Variants in SEC24D observed in about 807,000 individuals in gnomAD.
The protein encoded by SEC24D is protein transport protein Sec24D.
In SEC24D, 69 loss-of-function variants were observed where a neutral mutation model predicts 116.9. That is an observed-to-expected ratio of 0.59 (90% CI 0.49 to 0.72). SEC24D has a LOEUF of 0.72. SEC24D is among the 30% of genes least tolerant of loss of function. The pLI is 0.00. For missense variants in SEC24D, 1,131 were observed against 1,264.1 expected (o/e 0.89, Z 1.60); for synonymous variants, 405 against 442.8 (o/e 0.91, Z 1.07).
In SEC24D at chr4:118,746,877, C is replaced by T. The variant is rs576267916; in HGVS notation, c.1708-1817G>A. ...CTCTCTCAGTGAGTGACATTCTAAG[C>T]TCTGTGGAGTGGGTCAGAGAGGTGA... is the stretch of plus-strand genomic sequence containing the variant. On this transcript the variant is annotated intron_variant, in intron 13 of 22. Coordinates refer to ENST00000280551, the MANE Select transcript of SEC24D (RefSeq NM_014822.4). Among the ~76,000 whole-genome samples the T allele has an allele frequency of 2.6e-5, 4 of 152,160 alleles. No homozygotes were observed. The East Asian group carries it at 5.8e-4, about 22-fold the overall frequency.
chr4:118,773,927 A>C (rs1163772651), intron 8 of SEC24D, among the ~76,000 whole-genome samples: 1 of 152,186 alleles, frequency 6.6e-6, no homozygotes, highest in Non-Finnish European at 1.5e-5. Context: ...GAATTTTTTA[A>C]ATACATGTGA....
chr4:118,782,986 C>T (rs1291992574), intron 8 of SEC24D, among the ~76,000 whole-genome samples: 7 of 152,072 alleles, frequency 4.6e-5, no homozygotes, highest in African/African-American at 1.4e-4. Context: ...GGGGATGTTC[C>T]GTTTTCTCCA....
At chr4:118,833,304 A>G in intron 2 of SEC24D, 2 of 291,072 alleles carry the variant, frequency 6.9e-6, no homozygotes, top group Non-Finnish European at 1.3e-5. Flanking sequence ...GCCTTACACC[A>G]CTAATTAACA....
intron 19 of SEC24D, 157 bp from the exon 20 acceptor site, chr4:118,733,069 T>C: frequency 1.6e-6 from 1 of 611,782 alleles, no homozygotes; most frequent in Non-Finnish European, 2.8e-6. Context: ...ACACAGTAAC[T>C]GGCACAGAGT....
At chr4:118,740,455 T>A (rs553866751) in intron 17 of SEC24D, among the ~76,000 whole-genome samples, 34 of 152,168 alleles carry the variant, frequency 2.2e-4, no homozygotes, top group Non-Finnish European at 4.6e-4. Context: ...CAATGACACA[T>A]AATTGTCACT....
intron 2 of SEC24D, among the ~76,000 whole-genome samples, chr4:118,832,135 T>G (rs1436771601): frequency 2.0e-5 from 3 of 152,036 alleles, no homozygotes; most frequent in Admixed American, 2.0e-4. Flanking sequence ...CCCAGGAGGC[T>G]GAGGCAGGAG....
chr4:118,794,970 G>A (rs1343853732), intron 8 of SEC24D, among the ~76,000 whole-genome samples: 1 of 151,906 alleles, frequency 6.6e-6, no homozygotes, highest in African/African-American at 2.4e-5. Flanking sequence ...AGGATAGATA[G>A]TTATATATTG....
chr4:118,738,312 A>G lies in SEC24D; in HGVS notation c.2445T>C (p.His815=), dbSNP rs1461309997. Residue 815 remains histidine, a synonymous_variant, in exon 19 of 23, where the codon CAT becomes CAC. Coordinates refer to ENST00000280551, the MANE Select transcript of SEC24D (RefSeq NM_014822.4). The stretch of plus-strand genomic sequence containing the variant: ...AATTCTTCCGGTAACATGCCAACAT[A>G]TGGGCAGTCTGATTAACTAGAATTT... ...IREILVNQTA[H]MLACYRKNCA... 2.5e-6 allele frequency: 4 copies of G among 1,613,682 alleles called. No individual in the cohort carries two copies. The highest frequency in any genetic ancestry group is 3.4e-6 in the Non-Finnish European group (4 of 1,179,640).
chr4:118,744,405 C>T (rs538203740), intron 14 of SEC24D, among the ~76,000 whole-genome samples: 86 of 152,282 alleles, frequency 5.6e-4, no homozygotes, highest in South Asian at 1.7e-3. Context: ...ATTTGATACT[C>T]CATCAATCCT....
intron 3 of SEC24D, 95 bp downstream of exon 3, chr4:118,824,525 C>T: frequency 1.4e-6 from 2 of 1,382,234 alleles, no homozygotes; most frequent in South Asian, 1.3e-5. Context: ...ATCAAAACGT[C>T]AAACTTTCAA....
intron 8 of SEC24D, among the ~76,000 whole-genome samples, chr4:118,784,741 C>T (rs561061962): frequency 4.9e-5 from 3 of 61,312 alleles, no homozygotes; most frequent in Non-Finnish European, 9.1e-5. Context: ...CCTTCCCTGC[C>T]CCCCCCCCCG....
rs72905494 is a variant in SEC24D at position 118,749,798 on chromosome 4, T to C, written c.1707+2198A>G. Among the ~76,000 whole-genome samples, 856 of 152,274 alleles carry C rather than the reference T, an allele frequency of 5.6e-3. 8 individuals are homozygous for C. The highest frequency in any genetic ancestry group is 0.017 in the African/African-American group (695 of 41,562). The stretch of plus-strand genomic sequence containing the variant: ...ACGCAGCCTCTGCATGAAACTGGCA[T>C]TGGGGAGAACAATGTTTACTTTGCC... On this transcript the variant is annotated intron_variant, in intron 13 of 22. Transcript: ENST00000280551.
chr4:118,818,207 C>T (rs527562301), intron 3 of SEC24D, among the ~76,000 whole-genome samples: 126 of 152,326 alleles, frequency 8.3e-4, no homozygotes, highest in Middle Eastern at 3.4e-3. Flanking sequence ...CTGAGAGTCA[C>T]ATTATAAATT....
intron 8 of SEC24D, among the ~76,000 whole-genome samples, chr4:118,791,556 G>C (rs913068265): frequency 3.3e-5 from 5 of 151,802 alleles, no homozygotes; most frequent in Admixed American, 3.3e-4. Context: ...CTCCCTCCAC[G>C]GTCTCCCTCT....
chr4:118,778,465 T>C (rs958794552), intron 8 of SEC24D, among the ~76,000 whole-genome samples: 39 of 152,232 alleles, frequency 2.6e-4, no homozygotes, highest in Middle Eastern at 3.2e-3. Flanking sequence ...CACTGGTCTA[T>C]ATCTCTGTTT....
intron 11 of SEC24D, among the ~76,000 whole-genome samples, chr4:118,755,923 CT>C (rs1482579665): frequency 6.6e-6 from 1 of 151,948 alleles, no homozygotes; most frequent in African/African-American, 2.4e-5. Flanking sequence ...TTCCTCCTAT[CT>C]TTTGCCAAAG....
At chr4:118,832,390 G>A (rs1035548862) in intron 2 of SEC24D, among the ~76,000 whole-genome samples, 6 of 152,176 alleles carry the variant, frequency 3.9e-5, no homozygotes, top group African/African-American at 1.2e-4. Context: ...GGTGAGGGAA[G>A]TGAAAGTGTG....
In SEC24D at chr4:118,815,704, G is replaced by C; in HGVS notation, c.420C>G (p.Ser140Arg). 1 of 1,614,022 alleles carries C rather than the reference G, an allele frequency of 6.2e-7. No homozygotes were observed. The highest frequency in any genetic ancestry group is 1.3e-5 in the African/African-American group (1 of 75,072). Reference protein sequence around the residue: ...NSYGSGMAPPSQGPPGPLSAT... With the variant: ...NSYGSGMAPPRQGPPGPLSAT... ...CTGACAGAGGGCCAGGGGGTCCCTG[G>C]CTTGGAGGAGCCATGCCTGAACCTG... Residue 140 changes from serine to arginine, a missense_variant, in exon 5 of 23, where the codon AGC becomes AGG. By Grantham distance (110) the Ser-to-Arg change is moderately radical (BLOSUM62 -1). Coordinates refer to ENST00000280551, the MANE Select transcript of SEC24D (RefSeq NM_014822.4).
In SEC24D at chr4:118,740,977, C is replaced by T. The variant is rs1334194013; in HGVS notation, c.2056G>A (p.Gly686Ser). The T allele has an allele frequency of 6.3e-7, 1 of 1,598,834 alleles. No homozygotes were observed. The highest frequency in any genetic ancestry group is 1.1e-5 in the South Asian group (1 of 89,256). The change falls in exon 16 of 23, where the codon GGC becomes AGC. Residue 686 changes from glycine (G) to serine (S), a missense_variant. Gly to Ser is a moderately conservative substitution (Grantham distance 56). Transcript: ENST00000280551. ...DLRNDIEKKI[G>S]FDAIMRVRTS... ...CGAACCCTCATAATAGCATCAAAGC[C>T]TATTTTCTTTTCAATATCATTTCTG...
Sources: gnomAD v4.1 joint callset for allele counts (sites outside exome capture counted in the v4.1 genomes callset) on GRCh38, gnomAD v4.1.1 for gene constraint, MANE v1.5 for transcripts, NCBI Gene and HGNC (gene_info 2026-07-23, HGNC 2026-07-21) for gene names.